Variants in KCNH5 observed in about 807,000 individuals in gnomAD.
The protein encoded by KCNH5 is potassium voltage-gated channel subfamily H member 5.
A neutral mutation model predicts 96.1 loss-of-function variants in KCNH5; 46 were observed. The observed-to-expected ratio is 0.48, with a 90% CI of 0.38 to 0.61. The LOEUF is 0.61. Ranked by LOEUF, KCNH5 falls within the 20% of genes least tolerant of loss-of-function variation. The probability of loss-of-function intolerance (pLI) is 0.00; values close to 1 mark genes in which losing one functional copy is unlikely to be tolerated. For synonymous variants in KCNH5, 439 were observed against 449.8 expected, an observed-to-expected ratio of 0.98 and a Z score of 0.30; for missense variants, 907 against 1,225.8, an observed-to-expected ratio of 0.74 and a Z score of 3.88.
At chr14:62,742,632 G>A (rs891525788) in intron 10 of KCNH5, among the ~76,000 whole-genome samples, 10 of 152,226 alleles carry the variant, frequency 6.6e-5, no homozygotes, top group East Asian at 1.9e-4. Context: ...CTTTAAACAC[G>A]TCTTTAACAT....
intron 10 of KCNH5, among the ~76,000 whole-genome samples, chr14:62,747,970 C>T (rs8020132): frequency 0.25 from 38,058 of 152,042 alleles, 4,947 homozygotes; most frequent in East Asian, 0.39. Context: ...TTCAAGCACA[C>T]TGCATTGCTG....
At chr14:62,825,062 G>T (rs998340668) in intron 8 of KCNH5, among the ~76,000 whole-genome samples, 1 of 152,000 alleles carries the variant, frequency 6.6e-6, no homozygotes, top group African/African-American at 2.4e-5. Flanking sequence ...GCACTGCAAT[G>T]AACATATGGG....
chr14:62,912,595 C>T (rs1055448318), intron 7 of KCNH5, among the ~76,000 whole-genome samples: 9 of 151,904 alleles, frequency 5.9e-5, no homozygotes, highest in African/African-American at 9.7e-5. Context: ...TTAGTAGAGA[C>T]GGGGTTTCAC....
chr14:62,707,322 T>TA lies in KCNH5; in HGVS notation c.*185_*186insT, dbSNP rs1884453318. 8 of 342,376 alleles carry TA rather than the reference T, an allele frequency of 2.3e-5. No individual in the cohort carries two copies. Among genetic ancestry groups the TA allele is most frequent in the Non-Finnish European group, 4.1e-5 (8 of 194,804 alleles). 21.2% of individuals were successfully genotyped at this position (342,376 alleles called of 1,614,324 possible). A position where few individuals can be genotyped will look rare whatever the true frequency, so the allele number is the denominator to read the frequency against. ...TCAACTGCATAATATACAAGCAATA[T>TA]CTATGTTTTTAATCATCATCTTCTT... is the stretch of plus-strand genomic sequence containing the variant. On this transcript the variant is annotated 3_prime_UTR_variant, in exon 11 of 11. Coordinates refer to ENST00000322893, the MANE Select transcript of KCNH5 (RefSeq NM_139318.5).
chr14:62,840,362 A>C (rs1252088892), intron 8 of KCNH5, among the ~76,000 whole-genome samples: 6 of 152,060 alleles, frequency 3.9e-5, no homozygotes, highest in Non-Finnish European at 8.8e-5. Flanking sequence ...AAAGAAGTCA[A>C]GAACCATAAA....
At chr14:62,773,699 G>A (rs983458311) in intron 10 of KCNH5, among the ~76,000 whole-genome samples, 1 of 152,162 alleles carries the variant, frequency 6.6e-6, no homozygotes, top group African/African-American at 2.4e-5. Context: ...TCTTGAAAGT[G>A]AAGAAAATAT....
chr14:62,971,189 C>T (rs1161095469), intron 6 of KCNH5, among the ~76,000 whole-genome samples: 1 of 152,042 alleles, frequency 6.6e-6, no homozygotes, highest in Admixed American at 6.5e-5. Context: ...AAGGTTAATA[C>T]ACAAAAGGCA....
At chr14:62,915,711 C>T (rs1889260092) in intron 7 of KCNH5, among the ~76,000 whole-genome samples, 1 of 152,122 alleles carries the variant, frequency 6.6e-6, no homozygotes, top group African/African-American at 2.4e-5. Flanking sequence ...AGTTTGGTAA[C>T]AATCAGTGCT....
chr14:62,980,334 C>T (rs192353138), intron 6 of KCNH5, among the ~76,000 whole-genome samples: 207 of 152,246 alleles, frequency 1.4e-3, no homozygotes, highest in Admixed American at 2.2e-3. Flanking sequence ...GGCAAAAATT[C>T]AAGAATTGCT....
Position 63,045,136 on chromosome 14 carries a change from C to A in KCNH5, c.51G>T (p.Glu17Asp). 3.1e-6 allele frequency: 5 copies of A among 1,613,942 alleles called. No individual in the cohort carries two copies. Among genetic ancestry groups the A allele is most frequent in the Non-Finnish European group, 3.4e-6 (4 of 1,180,002 alleles). ...TACCACTGGAGCGCCTGACGATGTT[C>A]TCCAAAAATGTGTTCTGCGGTGCCA... ...GLVAPQNTFLENIVRRSSESS... is the reference protein window; with the variant it reads ...GLVAPQNTFLDNIVRRSSESS... The change falls in exon 1 of 11, where the codon GAG becomes GAT. Residue 17 changes from glutamate to aspartate, a missense_variant. By Grantham distance (45) the Glu-to-Asp change is conservative. Around this residue, in one of 6 missense-constraint regions of KCNH5, gnomAD observed 370 missense variants for 561.3 expected, o/e 0.66. Transcript: ENST00000322893.
At chr14:63,031,068 T>C (rs1179072458) in intron 1 of KCNH5, among the ~76,000 whole-genome samples, 2 of 151,636 alleles carry the variant, frequency 1.3e-5, no homozygotes, top group South Asian at 2.1e-4. Flanking sequence ...CTTTTAGGGA[T>C]GGGAAAACAG....
intron 3 of KCNH5, among the ~76,000 whole-genome samples, chr14:63,002,134 T>C (rs373746997): frequency 6.6e-6 from 1 of 152,032 alleles, no homozygotes; most frequent in Non-Finnish European, 1.5e-5. Flanking sequence ...GCTTTTGAGA[T>C]CCCCAGGCAT....
chr14:62,877,210 C>T lies in KCNH5; in HGVS notation c.1370-27358G>A, dbSNP rs558847060. 3.8e-4 allele frequency among the ~76,000 whole-genome samples: 58 copies of T among 151,890 alleles called. 1 individual carries two copies. In the South Asian group the frequency reaches 7.1e-3, roughly 19 times the overall value. On this transcript the variant is annotated intron_variant, in intron 7 of 10. Coordinates refer to ENST00000322893, the MANE Select transcript of KCNH5 (RefSeq NM_139318.5). Reference sequence around the variant, plus strand: ...AAATTAATTCAAGATGGATTAAAGACTTAAACGTTAGACCTAAAACCATAA... The same window carrying T: ...AAATTAATTCAAGATGGATTAAAGATTTAAACGTTAGACCTAAAACCATAA...
At chr14:62,899,652 G>A (rs996775891) in intron 7 of KCNH5, among the ~76,000 whole-genome samples, 1 of 150,950 alleles carries the variant, frequency 6.6e-6, no homozygotes, top group Non-Finnish European at 1.5e-5. Flanking sequence ...TAAAAACGGT[G>A]AAACCCCGTC....
chr14:62,756,050 A>C (rs895338998), intron 10 of KCNH5, among the ~76,000 whole-genome samples: 4 of 152,080 alleles, frequency 2.6e-5, no homozygotes, highest in Non-Finnish European at 5.9e-5. Context: ...GAAAAAAAAA[A>C]CAAAACCTAG....
chr14:62,796,945 A>C (rs1886553812), intron 9 of KCNH5, among the ~76,000 whole-genome samples: 1 of 152,186 alleles, frequency 6.6e-6, no homozygotes, highest in Admixed American at 6.5e-5. Flanking sequence ...AGCCTTTCCA[A>C]AGGAGGCAAA....
At chr14:62,788,189 T>C (rs1191853240) in intron 9 of KCNH5, among the ~76,000 whole-genome samples, 1 of 152,180 alleles carries the variant, frequency 6.6e-6, no homozygotes, top group Non-Finnish European at 1.5e-5. Flanking sequence ...ATATTACTAT[T>C]AACAGGAGTT....
At chr14:62,820,689 C>A (rs72944089) in intron 8 of KCNH5, among the ~76,000 whole-genome samples, 1 of 152,092 alleles carries the variant, frequency 6.6e-6, no homozygotes, top group African/African-American at 2.4e-5. Flanking sequence ...TTTATGGTTG[C>A]ATAGTATTTC....
chr14:62,820,632 C>T (rs571673163), intron 8 of KCNH5, among the ~76,000 whole-genome samples: 1 of 152,186 alleles, frequency 6.6e-6, no homozygotes, highest in African/African-American at 2.4e-5. Context: ...AGGATAATGG[C>T]CTTGAGCTCC....
Sources: allele counts gnomAD v4.1 joint callset (sites outside exome capture counted in the v4.1 genomes callset), GRCh38; gene constraint gnomAD v4.1.1; regional missense constraint gnomAD v4.1.1; transcripts MANE v1.5; gene names NCBI Gene and HGNC (gene_info 2026-07-23, HGNC 2026-07-21).